STK33: variants seen among roughly 807,000 people sequenced by gnomAD.
STK33 encodes serine/threonine-protein kinase 33.
In STK33, 52 loss-of-function variants were observed where a neutral mutation model predicts 58.0. The observed-to-expected ratio is 0.90, with a 90% confidence interval of 0.72 to 1.13. The LOEUF is 1.13. STK33 is among the 50% of genes most tolerant of loss of function. The pLI is 0.00. For missense variants in STK33, 630 were observed against 604.2 expected (o/e 1.04, Z -0.45); for synonymous variants, 215 against 200.1 (o/e 1.07, Z -0.63).
At chr11:8,585,388 C>A (rs541923270) in intron 1 of STK33, among the ~76,000 whole-genome samples, 1 of 150,828 alleles carries the variant, frequency 6.6e-6, no homozygotes, top group Admixed American at 6.6e-5. Context: ...CTACACCCGG[C>A]TAATTTTTGT....
intron 1 of STK33, among the ~76,000 whole-genome samples, chr11:8,572,438 A>G (rs1022032814): frequency 6.6e-6 from 1 of 152,186 alleles, no homozygotes. Context: ...GCAACCAGTT[A>G]AAAGTTAATG....
intron 1 of STK33, among the ~76,000 whole-genome samples, chr11:8,519,107 C>G (rs1455443959): frequency 6.6e-6 from 1 of 152,190 alleles, no homozygotes; most frequent in African/African-American, 2.4e-5. Flanking sequence ...CACTCCTTAG[C>G]AAATGTAAAA....
At chr11:8,526,686 T>C (rs1280743470) in intron 1 of STK33, among the ~76,000 whole-genome samples, 3 of 152,074 alleles carry the variant, frequency 2.0e-5, no homozygotes, top group Non-Finnish European at 4.4e-5. Flanking sequence ...TGAAAACAAC[T>C]AGTTATCAAA....
chr11:8,500,260 A>G (rs989742799), intron 1 of STK33, among the ~76,000 whole-genome samples: 2 of 152,064 alleles, frequency 1.3e-5, no homozygotes, highest in Non-Finnish European at 2.9e-5. Context: ...AGAAGAAAAA[A>G]TTATCTCTAT....
At chr11:8,494,367 C>T (rs1414726060) in intron 1 of STK33, among the ~76,000 whole-genome samples, 1 of 151,900 alleles carries the variant, frequency 6.6e-6, no homozygotes, top group East Asian at 1.9e-4. Flanking sequence ...GAATAAAATA[C>T]CTAGGAATCC....
chr11:8,530,032 G>A (rs1439030183), intron 1 of STK33, among the ~76,000 whole-genome samples: 1 of 152,200 alleles, frequency 6.6e-6, no homozygotes, highest in Non-Finnish European at 1.5e-5. Context: ...ATGAGCTGGT[G>A]CGAGAGGGGG....
chr11:8,418,955 C>T (rs1304822889), intron 14 of STK33, among the ~76,000 whole-genome samples: 2 of 151,282 alleles, frequency 1.3e-5, no homozygotes, highest in Non-Finnish European at 2.9e-5. Context: ...TTTTTTTTCT[C>T]GTGAATTTAA....
At chr11:8,553,167 A>C (rs1305199360) in intron 1 of STK33, among the ~76,000 whole-genome samples, 1 of 68,192 alleles carries the variant, frequency 1.5e-5, no homozygotes. Context: ...CCAAAAATAA[A>C]ATATATATAT....
intron 1 of STK33, among the ~76,000 whole-genome samples, chr11:8,514,260 T>C (rs1362761205): frequency 6.6e-6 from 1 of 152,226 alleles, no homozygotes; most frequent in Non-Finnish European, 1.5e-5. Context: ...TGGTAACTTC[T>C]ATTTTTTGAT....
intron 1 of STK33, among the ~76,000 whole-genome samples, chr11:8,514,324 A>G (rs961472384): frequency 6.6e-6 from 1 of 152,198 alleles, no homozygotes; most frequent in African/African-American, 2.4e-5. Flanking sequence ...ATTTCATTTT[A>G]ACACAATAAC....
intron 1 of STK33, among the ~76,000 whole-genome samples, chr11:8,529,881 A>G (rs777394452): frequency 5.3e-5 from 8 of 152,208 alleles, no homozygotes; most frequent in Non-Finnish European, 1.2e-4. Context: ...CTCCAAAACA[A>G]TAAGATAATA....
chr11:8,568,309 C>T (rs758510431), intron 1 of STK33, among the ~76,000 whole-genome samples: 5 of 152,088 alleles, frequency 3.3e-5, no homozygotes, highest in Non-Finnish European at 5.9e-5. Context: ...ATAAAAGTTC[C>T]TCCAAAGTAT....
intron 4 of STK33, among the ~76,000 whole-genome samples, 200 bp downstream of exon 4, chr11:8,476,487 G>A (rs192119443): frequency 6.6e-6 from 1 of 152,254 alleles, no homozygotes; most frequent in African/African-American, 2.4e-5. Flanking sequence ...CTCAGATACA[G>A]TAGCCTCTTG....
In STK33 at chr11:8,440,538, G is replaced by A. The variant is rs1272588233; in HGVS notation, c.947+140C>T. 9.8e-6 allele frequency: 6 copies of A among 611,632 alleles called. No individual in the cohort carries two copies. In the African/African-American group the frequency reaches 1.1e-4, roughly 11 times the overall value. The allele number at this position is 611,632 out of a possible 1,614,324, so 37.9% of individuals were successfully genotyped here. Reference sequence around the variant, plus strand: ...TGTATGTATACCTGACAACTAATAAGAGAGCTTTTAGAATGATCTCCCAAT... The same window carrying A: ...TGTATGTATACCTGACAACTAATAAAAGAGCTTTTAGAATGATCTCCCAAT... On this transcript the variant is annotated intron_variant, in intron 12 of 15. Coordinates refer to ENST00000687296, the MANE Select transcript of STK33 (RefSeq NM_001352389.2).
At chr11:8,534,568 C>CTGTGTGTGTGTGTG (rs34999243) in intron 1 of STK33, among the ~76,000 whole-genome samples, 1 of 104,692 alleles carries the variant, frequency 9.6e-6, no homozygotes, top group Admixed American at 1.1e-4. Context: ...CTCTCTCTCT[C>CTGTGTGTGTGTGTG]TGTGTGTGTG....
the STK33 span, among the ~76,000 whole-genome samples, chr11:8,384,847 C>T: frequency 7.9e-5 from 12 of 152,150 alleles, no homozygotes; most frequent in South Asian, 2.1e-4. Flanking sequence ...TACCGGACTC[C>T]GCGCATTCAT....
chr11:8,462,735 A>G (rs1250442499), intron 7 of STK33, among the ~76,000 whole-genome samples: 2 of 152,156 alleles, frequency 1.3e-5, no homozygotes, highest in African/African-American at 2.4e-5. Context: ...AAGGAGCACA[A>G]GGACTTCATT....
chr11:8,400,712 T>C (rs1392163542), intron 15 of STK33, among the ~76,000 whole-genome samples: 20 of 152,096 alleles, frequency 1.3e-4, no homozygotes, highest in Non-Finnish European at 2.8e-4. Context: ...ATTGTATATC[T>C]AGAAAACCCC....
At chr11:8,437,751 G>A (rs1944260799) in intron 12 of STK33, among the ~76,000 whole-genome samples, 1 of 151,974 alleles carries the variant, frequency 6.6e-6, no homozygotes, top group Non-Finnish European at 1.5e-5. Context: ...CTTTTGTGGG[G>A]GGAAAAGTTG....
Sources: gnomAD v4.1 joint callset for allele counts (sites outside exome capture counted in the v4.1 genomes callset) on GRCh38, gnomAD v4.1.1 for gene constraint, MANE v1.5 for transcripts, NCBI Gene and HGNC (gene_info 2026-07-23, HGNC 2026-07-21) for gene names.